CEACAM7: variants seen among roughly 807,000 people sequenced by gnomAD.
The protein encoded by CEACAM7 is CEA cell adhesion molecule 7.
CEACAM7 carries 24 observed loss-of-function variants against 25.7 expected under a neutral mutation model. The ratio of observed to expected loss-of-function variants is 0.93; its 90% CI spans 0.68 to 1.31. The LOEUF is 1.31. Ranked by LOEUF, CEACAM7 falls within the 40% of genes most tolerant of loss-of-function variation. CEACAM7 has a pLI of 0.00. For missense variants in CEACAM7, 324 were observed against 330.1 expected (o/e 0.98, Z 0.14); for synonymous variants, 144 against 129.4 (o/e 1.11, Z -0.77).
intron 3 of CEACAM7, among the ~76,000 whole-genome samples, chr19:41,679,801 C>CTTTT (rs34340713): frequency 0.022 from 2,444 of 111,866 alleles, 135 homozygotes; most frequent in African/African-American, 0.081. Flanking sequence ...CTCTCTCTCT[C>CTTTT]TTTTTTTTTT....
chr19:41,688,012 G>A, intron 1 of CEACAM7, 90 bp downstream of exon 1: 2 of 1,158,910 alleles, frequency 1.7e-6, no homozygotes, highest in Non-Finnish European at 2.4e-6. Flanking sequence ...GAAGCCCTTT[G>A]TCCCCTCTCA....
At chr19:41,685,061 C>T (rs2072213541) in intron 2 of CEACAM7, among the ~76,000 whole-genome samples, 1 of 152,208 alleles carries the variant, frequency 6.6e-6, no homozygotes, top group African/African-American at 2.4e-5. Flanking sequence ...ACCCATCAGA[C>T]AGCACCTGCC....
chr19:41,687,007 C>T lies in CEACAM7; in HGVS notation c.279G>A (p.Gly93=). Residue 93 remains glycine, a synonymous_variant, in exon 2 of 5, where the codon GGG becomes GGA. Coordinates refer to ENST00000401731, the MANE Select transcript of CEACAM7 (RefSeq NM_001291485.2). ...VKNISQENAP[G]PAHNGRETIY... is the part of the protein sequence containing the mutation. ...TTGTCTCTCGACCGTTGTGTGCGGG[C>T]CCTGGGGCATTTTCTTGACTTATAT... 1.2e-6 allele frequency: 2 copies of T among 1,613,824 alleles called. No homozygotes were observed. Among genetic ancestry groups the T allele is most frequent in the Non-Finnish European group, 8.5e-7 (1 of 1,179,880 alleles).
rs538747926 is a variant in CEACAM7 at position 41,687,092 on chromosome 19, T to C, written c.194A>G (p.Tyr65Cys). 19 of 1,614,152 alleles carry C rather than the reference T, an allele frequency of 1.2e-5. No individual in the cohort carries two copies. In the East Asian group the frequency reaches 4.2e-4, roughly 36 times the overall value. Reference sequence around the variant, plus strand: ...CACCCTTTCCCCTTTGTACCAGTTGTAGCCATAAAGATTCTGGGACTCATT... The same window carrying C: ...CACCCTTTCCCCTTTGTACCAGTTGCAGCCATAAAGATTCTGGGACTCATT... ...VHNESQNLYG[Y>C]NWYKGERVHA... The change falls in exon 2 of 5, where the codon TAC becomes TGC. Residue 65 changes from tyrosine (Y) to cysteine (C), a missense_variant. By Grantham distance (194) the Tyr-to-Cys change is radical. Coordinates refer to ENST00000401731, the MANE Select transcript of CEACAM7 (RefSeq NM_001291485.2).
rs782395154 is a variant in CEACAM7 at position 41,683,936 on chromosome 19, G to A, written c.555C>T (p.Ser185=). The A allele has an allele frequency of 6.2e-7, 1 of 1,614,206 alleles. No homozygotes were observed. Among genetic ancestry groups the A allele is most frequent in the East Asian group, 2.2e-5 (1 of 44,890 alleles). Residue 185 remains serine (S), a synonymous_variant, in exon 3 of 5, where the codon AGC becomes AGT. Transcript: ENST00000401731. Reference sequence around the variant, plus strand: ...GCAGCAGCCTGGGACTGACCAGGAGGCTCTGATTGTTTACCCACCACAGGT... The same window carrying A: ...GCAGCAGCCTGGGACTGACCAGGAGACTCTGATTGTTTACCCACCACAGGT... The part of the protein sequence containing the change: ...TTYLWWVNNQ[S]LLVSPRLLLS...
rs1555810988 is a variant in CEACAM7, at chr19:41,684,076, G to C, written c.428-13C>G. 1 of 1,606,856 alleles carries C rather than the reference G, an allele frequency of 6.2e-7. No homozygotes were observed. Among genetic ancestry groups the C allele is most frequent in the Non-Finnish European group, 8.5e-7 (1 of 1,176,682 alleles). ...TTGGGTGGCTCCGCTGTGCAGATAA[G>C]AGAGAGAAAAGATTGCCCTGTGTGG... On this transcript the variant is annotated splice_polypyrimidine_tract_variant and intron_variant, in intron 2 of 4. Coordinates refer to ENST00000401731, the MANE Select transcript of CEACAM7 (RefSeq NM_001291485.2).
At chr19:41,685,421 A>G (rs1365097504) in intron 2 of CEACAM7, among the ~76,000 whole-genome samples, 1 of 152,038 alleles carries the variant, frequency 6.6e-6, no homozygotes, top group Non-Finnish European at 1.5e-5. Context: ...CTTTAGGGGC[A>G]GGGGATGAGA....
At chr19:41,676,881 G>A (rs569881644) in intron 4 of CEACAM7, among the ~76,000 whole-genome samples, 1 of 152,196 alleles carries the variant, frequency 6.6e-6, no homozygotes, top group African/African-American at 2.4e-5. Context: ...ATACTCAGGA[G>A]TAGTGGTAAA....
At chr19:41,682,689 C>T (rs1295182179) in intron 3 of CEACAM7, among the ~76,000 whole-genome samples, 2 of 152,262 alleles carry the variant, frequency 1.3e-5, no homozygotes, top group Admixed American at 6.5e-5. Context: ...AGGGAGCAGA[C>T]TCTGAGCTGC....
Position 41,686,878 on chromosome 19 carries a change from G to T in CEACAM7, c.408C>A (p.Thr136=). Residue 136 remains threonine, a synonymous_variant, in exon 2 of 5, where the codon ACC becomes ACA. Transcript: ENST00000401731. ...ACTCACAGAATACGTAGAATTGTCT[G>T]GTTACTTCTTCATTCACAAGATTTT... The part of the protein sequence containing the change: ...IKENLVNEEV[T]RQFYVFSEPP... 1 of 1,531,306 alleles carries T rather than the reference G, an allele frequency of 6.5e-7. No homozygotes were observed. 94.9% of individuals were successfully genotyped at this position (1,531,306 alleles called of 1,614,324 possible).
chr19:41,677,346 T>C lies in CEACAM7; in HGVS notation c.*36+30A>G, dbSNP rs1397395461. 3 of 1,213,504 alleles carry C rather than the reference T, an allele frequency of 2.5e-6. No individual in the cohort carries two copies. In the African/African-American group the frequency reaches 4.5e-5, roughly 18 times the overall value. The allele number at this position is 1,213,504 out of a possible 1,614,324, so 75.2% of individuals were successfully genotyped here. A position where few individuals can be genotyped will look rare whatever the true frequency, so the allele number is the denominator to read the frequency against. On this transcript the variant is annotated intron_variant, in intron 4 of 4. Transcript: ENST00000401731. Reference sequence around the variant, plus strand: ...GCATGGCAGTCAGCCCTGCAGGAAATAGGATAAGAGGAAAGGTCATAATAC... The same window carrying C: ...GCATGGCAGTCAGCCCTGCAGGAAACAGGATAAGAGGAAAGGTCATAATAC...
chr19:41,684,209 A>G, intron 2 of CEACAM7, 146 bp from the exon 3 acceptor site: 1 of 809,834 alleles, frequency 1.2e-6, no homozygotes, highest in Non-Finnish European at 2.0e-6. Flanking sequence ...CACAAGACAG[A>G]TGCACAATGA....
chr19:41,674,538 A>G lies in CEACAM7; in HGVS notation c.*238T>C. 1 of 211,160 alleles carries G rather than the reference A, an allele frequency of 4.7e-6. No homozygotes were observed. The highest frequency in any genetic ancestry group is 9.8e-6 in the Non-Finnish European group (1 of 102,074). 13.1% of individuals were successfully genotyped at this position (211,160 alleles called of 1,614,324 possible). ...TCATCAACTTCTTGTCCTGGTTGGC[A>G]ATTTGAGTGTCTCTAGTTATGGTGT... On this transcript the variant is annotated 3_prime_UTR_variant, in exon 5 of 5. Transcript: ENST00000401731.
chr19:41,680,804 A>T (rs1463027182), intron 3 of CEACAM7, among the ~76,000 whole-genome samples: 1 of 152,148 alleles, frequency 6.6e-6, no homozygotes, highest in African/African-American at 2.4e-5. Context: ...TAAGAGATAA[A>T]CCTATAAAAC....
At chr19:41,686,538 A>G (rs2072226641) in intron 2 of CEACAM7, among the ~76,000 whole-genome samples, 1 of 152,152 alleles carries the variant, frequency 6.6e-6, no homozygotes, top group Admixed American at 6.5e-5. Context: ...GGGACTCCTC[A>G]GGCCAGGCTC....
At chr19:41,688,043 G>T (rs1238745200) in intron 1 of CEACAM7, 59 bp downstream of exon 1, 1 of 1,507,372 alleles carries the variant, frequency 6.6e-7, no homozygotes, top group Non-Finnish European at 9.0e-7. Flanking sequence ...CTCCCAAGGA[G>T]ACCCCAGCCA....
At chr19:41,686,783 A>C (rs2072229303) in intron 2 of CEACAM7, 76 bp downstream of exon 2, 16 of 1,470,718 alleles carry the variant, frequency 1.1e-5, no homozygotes, top group Non-Finnish European at 1.4e-5. Flanking sequence ...CACAGGCACA[A>C]CCCAGGCCTG....
At chr19:41,676,491 A>C (rs1440399807) in intron 4 of CEACAM7, among the ~76,000 whole-genome samples, 1 of 152,208 alleles carries the variant, frequency 6.6e-6, no homozygotes, top group Non-Finnish European at 1.5e-5. Context: ...TTCCCAAAGC[A>C]CTGGGATGAC....
At position 41,673,710 on chromosome 19, in the gene CEACAM7, A is replaced by G. The variant is rs995597891; in HGVS notation, c.*1066T>C. Reference sequence around the variant, plus strand: ...GAGTTTGACTAAACATAAGGCATTAACACTACTGTCAGTTACCATCATTTT... The same window carrying G: ...GAGTTTGACTAAACATAAGGCATTAGCACTACTGTCAGTTACCATCATTTT... On this transcript the variant is annotated 3_prime_UTR_variant, in exon 5 of 5. Transcript: ENST00000401731. 3.9e-5 allele frequency: 6 copies of G among 152,218 alleles called. No individual in the cohort carries two copies. The highest frequency in any genetic ancestry group is 8.8e-5 in the Non-Finnish European group (6 of 68,036). The allele number at this position is 152,218 out of a possible 1,614,324, so 9.4% of individuals were successfully genotyped here.
Sources: gnomAD v4.1 joint callset for allele counts (sites outside exome capture counted in the v4.1 genomes callset) on GRCh38, gnomAD v4.1.1 for gene constraint, MANE v1.5 for transcripts, NCBI Gene and HGNC (gene_info 2026-07-23, HGNC 2026-07-21) for gene names.